Variants in ADCY2 observed in about 807,000 individuals in gnomAD.
ADCY2 encodes adenylate cyclase type 2.
ADCY2 carries 31 observed loss-of-function variants against 125.2 expected under a neutral mutation model. That is an observed-to-expected ratio of 0.25 (90% CI 0.19 to 0.33). The LOEUF is 0.33. ADCY2 is among the 10% of genes least tolerant of loss of function. ADCY2 has a pLI of 1.00. For synonymous variants in ADCY2, 512 were observed against 548.4 expected (o/e 0.93, Z 0.93); for missense variants, 904 against 1,418.2 (o/e 0.64, Z 5.82).
At chr5:7,676,364 T>C (rs1309074457) in intron 4 of ADCY2, among the ~76,000 whole-genome samples, 1 of 152,228 alleles carries the variant, frequency 6.6e-6, no homozygotes, top group Non-Finnish European at 1.5e-5. Context: ...CCCAGATATT[T>C]CAATGGATCA....
rs181347314 is a variant in ADCY2, at chr5:7,531,266, C to A, written c.570+10367C>A. On this transcript the variant is annotated intron_variant, in intron 3 of 24. Transcript: ENST00000338316. ...GAGAAGCCCACTTCTGCTACCCAGGCGACCTGGAGGGCCGCCGTTTTCCTC... is the reference window on the plus strand; with the variant it reads ...GAGAAGCCCACTTCTGCTACCCAGGAGACCTGGAGGGCCGCCGTTTTCCTC... 3.0e-4 allele frequency among the ~76,000 whole-genome samples: 46 copies of A among 152,240 alleles called. No individual in the cohort carries two copies. The East Asian group carries it at 8.3e-3, about 28-fold the overall frequency.
intron 3 of ADCY2, among the ~76,000 whole-genome samples, chr5:7,611,879 C>T (rs370822542): frequency 1.3e-5 from 2 of 152,118 alleles, no homozygotes; most frequent in African/African-American, 4.8e-5. Flanking sequence ...CATCTAGGCA[C>T]AACAATGAGA....
At chr5:7,499,495 A>C (rs1743468300) in intron 2 of ADCY2, among the ~76,000 whole-genome samples, 1 of 151,926 alleles carries the variant, frequency 6.6e-6, no homozygotes, top group Admixed American at 6.6e-5. Flanking sequence ...AAGGTTCACA[A>C]TTGAGAGGAA....
chr5:7,406,765 G>T (rs1392112545), intron 1 of ADCY2, among the ~76,000 whole-genome samples: 2 of 152,128 alleles, frequency 1.3e-5, no homozygotes, highest in Non-Finnish European at 2.9e-5. Flanking sequence ...CATAGTTCAG[G>T]TTAGTTTTTT....
Position 7,727,273 on chromosome 5 carries a change from T to C in ADCY2, c.1871+12T>C, listed in dbSNP as rs1029050180. 6.2e-7 allele frequency: 1 copy of C among 1,608,304 alleles called. No individual in the cohort carries two copies. The highest frequency in any genetic ancestry group is 8.5e-7 in the Non-Finnish European group (1 of 1,174,972). On this transcript the variant is annotated intron_variant, in intron 14 of 24. Transcript: ENST00000338316. The stretch of plus-strand genomic sequence containing the variant: ...CTCGTGCTGCCAAAGTAAGTACTTC[T>C]GGTTTCCACTGGGATTCTCACCTGG...
At chr5:7,463,512 A>G (rs26737) in intron 2 of ADCY2, among the ~76,000 whole-genome samples, 2 of 151,644 alleles carry the variant, frequency 1.3e-5, no homozygotes, top group African/African-American at 4.9e-5. Context: ...CAGATGTAGA[A>G]CCAGATCAGT....
intron 2 of ADCY2, among the ~76,000 whole-genome samples, chr5:7,507,207 C>T (rs1326721757): frequency 6.1e-5 from 9 of 147,652 alleles, no homozygotes; most frequent in South Asian, 2.2e-4. Flanking sequence ...TTTGGGAGGC[C>T]GAGGCGGGCG....
intron 11 of ADCY2, among the ~76,000 whole-genome samples, chr5:7,713,590 G>A (rs1741507362): frequency 6.6e-6 from 1 of 151,976 alleles, no homozygotes; most frequent in Admixed American, 6.6e-5. Context: ...TGAAATAAAG[G>A]GTTATCCACT....
chr5:7,510,806 T>C (rs2126518559), intron 2 of ADCY2, among the ~76,000 whole-genome samples: 1 of 152,246 alleles, frequency 6.6e-6, no homozygotes, highest in East Asian at 1.9e-4. Context: ...TGTTCTAAGG[T>C]GGTTTTACTT....
chr5:7,804,504 C>T, intron 21 of ADCY2, 81 bp from the exon 22 acceptor site: 2 of 1,069,184 alleles, frequency 1.9e-6, no homozygotes, highest in Non-Finnish European at 2.9e-6. Context: ...TGTGAACCAG[C>T]ATTTGAGAAT....
rs369870574 is a variant in ADCY2, at chr5:7,658,399, T to TTGTGTGTGTGTGTG, written c.720+32103_720+32116dup. Reference sequence around the variant, plus strand: ...TTCTCCTTTTCACCAGTGAAGAGAATTGTGTGTGTGTGTGTGTGTGTGTGT... The same window carrying TTGTGTGTGTGTGTG: ...TTCTCCTTTTCACCAGTGAAGAGAATTGTGTGTGTGTGTGTGTGTGTGTGTGTGTGTGTGTGTGT... On this transcript the variant is annotated intron_variant, in intron 4 of 24. Coordinates refer to ENST00000338316, the MANE Select transcript of ADCY2 (RefSeq NM_020546.3). Among the ~76,000 whole-genome samples, 869 of 130,852 alleles carry TTGTGTGTGTGTGTG rather than the reference T, an allele frequency of 6.6e-3. 3 individuals are homozygous for TTGTGTGTGTGTGTG. Among genetic ancestry groups the TTGTGTGTGTGTGTG allele is most frequent in the Middle Eastern group, 0.012 (3 of 250 alleles). 85.8% of individuals were successfully genotyped at this position (130,852 alleles called of 152,430 possible).
chr5:7,683,929 A>C (rs1740425380), intron 4 of ADCY2, among the ~76,000 whole-genome samples: 1 of 152,158 alleles, frequency 6.6e-6, no homozygotes, highest in Non-Finnish European at 1.5e-5. Flanking sequence ...TCCTCCTCAG[A>C]AGAAATCCAA....
At chr5:7,499,684 T>G (rs1035388685) in intron 2 of ADCY2, among the ~76,000 whole-genome samples, 7 of 129,498 alleles carry the variant, frequency 5.4e-5, no homozygotes, top group South Asian at 2.3e-4. Context: ...TATATATATG[T>G]ATATATATGT....
chr5:7,441,706 T>C (rs1403752657), intron 2 of ADCY2, among the ~76,000 whole-genome samples: 1 of 152,196 alleles, frequency 6.6e-6, no homozygotes, highest in African/African-American at 2.4e-5. Context: ...CATAATTCAA[T>C]TAAACACACG....
At chr5:7,516,680 A>G (rs899224014) in intron 2 of ADCY2, among the ~76,000 whole-genome samples, 6 of 152,218 alleles carry the variant, frequency 3.9e-5, no homozygotes, top group African/African-American at 1.4e-4. Flanking sequence ...GAAGAAAGCA[A>G]TAGTTATTTG....
At chr5:7,572,998 C>T (rs1736112136) in intron 3 of ADCY2, among the ~76,000 whole-genome samples, 1 of 152,016 alleles carries the variant, frequency 6.6e-6, no homozygotes, top group Admixed American at 6.6e-5. Flanking sequence ...ATATAACTGG[C>T]ATCTTCATTT....
chr5:7,417,497 G>A (rs886277615), intron 2 of ADCY2, among the ~76,000 whole-genome samples: 1 of 152,164 alleles, frequency 6.6e-6, no homozygotes, highest in South Asian at 2.1e-4. Context: ...GAGTGGGGCA[G>A]GACAGAGTGT....
rs112102184 is a variant in ADCY2 at position 7,802,454 on chromosome 5, CA to C, written c.2775+97del. On this transcript the variant is annotated intron_variant, in intron 21 of 24. Coordinates refer to ENST00000338316, the MANE Select transcript of ADCY2 (RefSeq NM_020546.3). The surrounding 1 kb of genome is among the most constrained non-coding windows in gnomAD (Gnocchi z 4.6). ...GTTACTTCAGGATAGTGGCCTATCC[CA>C]AAAAAACTTGTCCTTTGGCATAATT... The C allele has an allele frequency of 8.4e-6, 12 of 1,426,774 alleles. No homozygotes were observed. Among genetic ancestry groups the C allele is most frequent in the South Asian group, 2.9e-5 (2 of 67,948 alleles). The allele number at this position is 1,426,774 out of a possible 1,614,324, so 88.4% of individuals were successfully genotyped here. A position where few individuals can be genotyped will look rare whatever the true frequency, so the allele number is the denominator to read the frequency against.
intron 13 of ADCY2, 79 bp from the exon 14 acceptor site, chr5:7,727,085 G>A: frequency 9.4e-7 from 1 of 1,067,086 alleles, no homozygotes; most frequent in Non-Finnish European, 1.4e-6. Flanking sequence ...CATGCTCTGG[G>A]TACAACTAGG....
Sources: allele counts gnomAD v4.1 joint callset (sites outside exome capture counted in the v4.1 genomes callset), GRCh38; gene constraint gnomAD v4.1.1; non-coding constraint Gnocchi (gnomAD v3.1); transcripts MANE v1.5; gene names NCBI Gene and HGNC (gene_info 2026-07-23, HGNC 2026-07-21).